The following NUP210L variants were observed in gnomAD, a reference collection of about 807,000 sequenced individuals.
NUP210L encodes nuclear pore membrane glycoprotein 210-like.
NUP210L carries 74 observed loss-of-function variants against 208.5 expected under a neutral mutation model. The ratio of observed to expected loss-of-function variants is 0.35; its 90% CI spans 0.29 to 0.43. The LOEUF is 0.43. Ranked by LOEUF, NUP210L falls within the 20% of genes least tolerant of loss-of-function variation. The probability of loss-of-function intolerance (pLI) is 1.00; values close to 1 mark genes in which losing one functional copy is unlikely to be tolerated. For synonymous variants in NUP210L, 780 were observed against 816.9 expected, an observed-to-expected ratio of 0.95 and a Z score of 0.77; for missense variants, 1,843 against 2,289.4, an observed-to-expected ratio of 0.81 and a Z score of 3.98.
At chr1:153,993,084 T>C in exon 39 of NUP210L, 4 of 1,611,722 alleles carry the variant, frequency 2.5e-6, no homozygotes, top group Non-Finnish European at 3.4e-6. Context: ...AGGAAGGCAT[T>C]GTATGCTGGA....
Position 154,094,901 on chromosome 1 carries a change from C to G in NUP210L, c.2187+34G>C. On this transcript the variant is annotated intron_variant, in intron 15 of 39. Transcript: ENST00000368559. ...AGTACAAAGGATTTGGAGTATTACA[C>G]TAAAGAAAATGTTATAAAAAACTGT... The G allele has an allele frequency of 3.3e-6, 5 of 1,521,392 alleles. No individual in the cohort carries two copies. The East Asian group carries it at 1.1e-4, about 34-fold the overall frequency. 94.2% of individuals were successfully genotyped at this position (1,521,392 alleles called of 1,614,324 possible).
intron 22 of NUP210L, among the ~76,000 whole-genome samples, chr1:154,057,155 T>G (rs953301754): frequency 1.3e-5 from 2 of 152,068 alleles, no homozygotes; most frequent in African/African-American, 4.8e-5. Flanking sequence ...ATTCTCTTAT[T>G]TTTTGTAGAG....
chr1:154,020,178 T>G (rs1482495424), intron 32 of NUP210L, among the ~76,000 whole-genome samples: 1 of 152,176 alleles, frequency 6.6e-6, no homozygotes, highest in African/African-American at 2.4e-5. Flanking sequence ...GTCCAACATT[T>G]ACATCACTTT....
At chr1:154,082,209 A>AT (rs1310278004) in intron 16 of NUP210L, among the ~76,000 whole-genome samples, 7 of 152,202 alleles carry the variant, frequency 4.6e-5, no homozygotes, top group African/African-American at 1.7e-4. Context: ...CTTGTTGGTC[A>AT]TAAGAGTGGG....
chr1:154,104,826 G>C (rs1273123445), intron 12 of NUP210L, among the ~76,000 whole-genome samples: 1 of 152,046 alleles, frequency 6.6e-6, no homozygotes, highest in Non-Finnish European at 1.5e-5. Flanking sequence ...GCAAGTTCTG[G>C]TGCTGTGCTG....
At chr1:154,093,308 A>G (rs1435279571) in intron 15 of NUP210L, among the ~76,000 whole-genome samples, 1 of 152,102 alleles carries the variant, frequency 6.6e-6, no homozygotes, top group Non-Finnish European at 1.5e-5. Flanking sequence ...CATGCCTGTA[A>G]TCCCAGTTAC....
intron 3 of NUP210L, 53 bp from the exon 4 acceptor site, chr1:154,141,577 C>T: frequency 9.4e-7 from 1 of 1,066,726 alleles, no homozygotes; most frequent in Non-Finnish European, 1.4e-6. Flanking sequence ...TAAAAATATT[C>T]AGGTATTTAC....
rs768683906 is a variant in NUP210L at position 154,126,492 on chromosome 1, CCT to C, written c.1186-31_1186-30del. ...AAAATCAGCCCCACAGTAACACAAA[CCT>C]GAAGATATGTTCTTTCCCTGAAGTC... On this transcript the variant is annotated intron_variant, in intron 9 of 39. Transcript: ENST00000368559. The C allele has an allele frequency of 2.0e-5, 31 of 1,585,106 alleles. 1 individual carries two copies. The South Asian group carries it at 3.6e-4, about 18-fold the overall frequency.
chr1:154,058,433 C>A, intron 21 of NUP210L, 132 bp downstream of exon 21: 2 of 1,140,558 alleles, frequency 1.8e-6, no homozygotes. Flanking sequence ...TCTTTAAGGG[C>A]AGGTATTTCC....
exon 40 of NUP210L, chr1:153,992,833 G>T: frequency 1.3e-6 from 2 of 1,597,312 alleles, no homozygotes; most frequent in Non-Finnish European, 1.7e-6. Flanking sequence ...TCCAAGCAGA[G>T]GTTAGTGCCT....
chr1:154,050,752 A>G (rs1347489964), intron 25 of NUP210L, among the ~76,000 whole-genome samples: 1 of 152,174 alleles, frequency 6.6e-6, no homozygotes, highest in Non-Finnish European at 1.5e-5. Flanking sequence ...AAATTATTTC[A>G]ATTTTTGAAA....
intron 12 of NUP210L, among the ~76,000 whole-genome samples, chr1:154,109,003 G>A (rs1383866075): frequency 6.6e-6 from 1 of 151,666 alleles, no homozygotes; most frequent in Non-Finnish European, 1.5e-5. Context: ...GGGAGGCTGA[G>A]GCAGGAGAAT....
intron 15 of NUP210L, among the ~76,000 whole-genome samples, chr1:154,089,866 C>T (rs10908691): frequency 0.26 from 38,969 of 151,842 alleles, 5,501 homozygotes; most frequent in Admixed American, 0.37. Flanking sequence ...TTGGGAGGAT[C>T]ACTTGAGCCT....
rs563121627 is a variant in NUP210L, at chr1:154,099,896, C to T, written c.1965+102G>A. 1.3e-4 allele frequency: 155 copies of T among 1,171,350 alleles called. 1 individual carries two copies. The South Asian group carries it at 2.1e-3, about 16-fold the overall frequency. The allele number at this position is 1,171,350 out of a possible 1,614,324, so 72.6% of individuals were successfully genotyped here. A position where few individuals can be genotyped will look rare whatever the true frequency, so the allele number is the denominator to read the frequency against. On this transcript the variant is annotated intron_variant, in intron 14 of 39. Transcript: ENST00000368559. ...TGGCAAGTAAAGAGAACATAAATGTCATTGATCCTTAGTGGGGACCACAGA... is the reference window on the plus strand; with the variant it reads ...TGGCAAGTAAAGAGAACATAAATGTTATTGATCCTTAGTGGGGACCACAGA...
At chr1:154,070,821 G>C (rs1291261296) in intron 16 of NUP210L, among the ~76,000 whole-genome samples, 1 of 152,034 alleles carries the variant, frequency 6.6e-6, no homozygotes, top group East Asian at 1.9e-4. Context: ...GTAAGAAACA[G>C]GATATCACAC....
At chr1:154,136,487 T>A (rs889548858) in intron 6 of NUP210L, among the ~76,000 whole-genome samples, 40 of 151,232 alleles carry the variant, frequency 2.6e-4, no homozygotes, top group African/African-American at 9.5e-4. Flanking sequence ...ATTAAAAATA[T>A]ATATATACAG....
At chr1:154,096,746 T>C (rs1341662948) in intron 14 of NUP210L, among the ~76,000 whole-genome samples, 1 of 149,486 alleles carries the variant, frequency 6.7e-6, no homozygotes, top group East Asian at 2.0e-4. Context: ...AGATCAAAAC[T>C]TGGTCTCAGG....
intron 27 of NUP210L, among the ~76,000 whole-genome samples, chr1:154,042,790 G>A (rs975919287): frequency 2.0e-5 from 3 of 149,506 alleles, no homozygotes; most frequent in Non-Finnish European, 3.0e-5. Context: ...GTGCAATCTC[G>A]GCTCACTGCC....
chr1:154,036,314 A>ATGTGTGTGTG (rs57011341), intron 27 of NUP210L, among the ~76,000 whole-genome samples: 1 of 108,158 alleles, frequency 9.2e-6, no homozygotes, highest in Non-Finnish European at 1.8e-5. Flanking sequence ...CAGTTGGAAC[A>ATGTGTGTGTG]TGTGTGTGTG....
Sources: allele counts gnomAD v4.1 joint callset (sites outside exome capture counted in the v4.1 genomes callset), GRCh38; gene constraint gnomAD v4.1.1; transcripts MANE v1.5; gene names NCBI Gene and HGNC (gene_info 2026-07-23, HGNC 2026-07-21).